Variants in SORL1 observed in about 807,000 individuals in gnomAD.
The protein encoded by SORL1 is sortilin related receptor 1.
A neutral mutation model predicts 273.7 loss-of-function variants in SORL1; 127 were observed. The observed-to-expected ratio is 0.46, with a 90% CI of 0.40 to 0.54. SORL1 has a LOEUF of 0.54. Among genes scored for constraint, SORL1 ranks in the 20% least tolerant of loss-of-function variants. The probability of loss-of-function intolerance (pLI) is 0.00; values close to 1 mark genes in which losing one functional copy is unlikely to be tolerated. For synonymous variants in SORL1, 1,031 were observed against 1,067.4 expected (o/e 0.97, Z 0.66); for missense variants, 2,494 against 2,846.1 (o/e 0.88, Z 2.81).
chr11:121,470,967 G>C (rs1861158753), intron 2 of SORL1, among the ~76,000 whole-genome samples: 1 of 152,168 alleles, frequency 6.6e-6, no homozygotes. Context: ...GAGACTACAG[G>C]CTTGAGCCAC....
chr11:121,561,062 A>G (rs1565336899), intron 21 of SORL1, among the ~76,000 whole-genome samples: 1 of 152,202 alleles, frequency 6.6e-6, no homozygotes, highest in Non-Finnish European at 1.5e-5. Context: ...TACTGATCTG[A>G]CTTGCTAGCT....
rs964595131 is a variant in SORL1 at position 121,633,122 on chromosome 11, C to A, written c.*3559C>A. 1 of 152,066 alleles carries A rather than the reference C, an allele frequency of 6.6e-6. No homozygotes were observed. The highest frequency in any genetic ancestry group is 1.5e-5 in the Non-Finnish European group (1 of 68,032). The allele number at this position is 152,066 out of a possible 1,614,324, so 9.4% of individuals were successfully genotyped here. On this transcript the variant is annotated 3_prime_UTR_variant, in exon 48 of 48. Coordinates refer to ENST00000260197, the MANE Select transcript of SORL1 (RefSeq NM_003105.6). Reference sequence around the variant, plus strand: ...TATATAGACTACTTTCTATGCAAGACTGAGATATGGAATAGATAGGAAGAG... The same window carrying A: ...TATATAGACTACTTTCTATGCAAGAATGAGATATGGAATAGATAGGAAGAG...
At chr11:121,564,728 C>A (rs1314637918) in intron 21 of SORL1, among the ~76,000 whole-genome samples, 1 of 151,412 alleles carries the variant, frequency 6.6e-6, no homozygotes, top group Non-Finnish European at 1.5e-5. Context: ...AGATGTGTAC[C>A]CGGCTAATTT....
intron 12 of SORL1, among the ~76,000 whole-genome samples, chr11:121,541,210 T>TTG (rs138394520): frequency 0.27 from 41,051 of 151,366 alleles, 6,884 homozygotes; most frequent in Middle Eastern, 0.4. Context: ...TATCTTTTTT[T>TTG]TTTTTTTTTA....
Position 121,567,074 on chromosome 11 carries a change from C to T in SORL1, c.3184C>T (p.Gln1062Ter). ...AGGGGACCTGATGTGTGACTGCCCT[C>T]AGGGCTATCAGCTCAAGAACAATAC... The part of the protein sequence containing the change: ...PSGDLMCDCP[Q>*]GYQLKNNTCV... Residue 1062 changes from glutamine (Q) to a stop codon, truncating the protein, a stop_gained, in exon 22 of 48, where the codon CAG becomes TAG. Coordinates refer to ENST00000260197, the MANE Select transcript of SORL1 (RefSeq NM_003105.6). LOFTEE classifies it high-confidence loss of function. 6.2e-7 allele frequency: 1 copy of T among 1,614,100 alleles called. No individual in the cohort carries two copies. The highest frequency in any genetic ancestry group is 8.5e-7 in the Non-Finnish European group (1 of 1,179,954).
At position 121,605,618 on chromosome 11, in the gene SORL1, G is replaced by A. The variant is rs187842121; in HGVS notation, c.4948+47G>A. On this transcript the variant is annotated intron_variant, in intron 35 of 47. Coordinates refer to ENST00000260197, the MANE Select transcript of SORL1 (RefSeq NM_003105.6). ...TATGGCATGGGTAAGACCTCAGGTC[G>A]GGGTTTGTGAGGGTCTTTCTGAGTA... is the stretch of plus-strand genomic sequence containing the variant. 2.7e-5 allele frequency: 42 copies of A among 1,536,622 alleles called. No individual in the cohort carries two copies. In the African/African-American group the frequency reaches 2.9e-4, roughly 10 times the overall value.
At chr11:121,607,548 G>A (rs888915619) in intron 37 of SORL1, among the ~76,000 whole-genome samples, 4 of 152,132 alleles carry the variant, frequency 2.6e-5, no homozygotes, top group South Asian at 2.1e-4. Flanking sequence ...TTTTAACTCC[G>A]GTATTCTGCT....
chr11:121,465,210 C>T (rs1025542792), intron 1 of SORL1, among the ~76,000 whole-genome samples: 20 of 152,202 alleles, frequency 1.3e-4, no homozygotes, highest in African/African-American at 4.8e-4. Context: ...TCAGCTTTCT[C>T]TCCCTATGGA....
chr11:121,546,776 A>G (rs1325639027), intron 14 of SORL1: 1 of 152,180 alleles, frequency 6.6e-6, no homozygotes, highest in Non-Finnish European at 1.5e-5. Flanking sequence ...GTAAATCTCT[A>G]TTTACAAAAA....
intron 11 of SORL1, among the ~76,000 whole-genome samples, chr11:121,523,347 G>C (rs189793614): frequency 1.3e-5 from 2 of 152,208 alleles, no homozygotes; most frequent in East Asian, 1.9e-4. Context: ...AAATTATAGC[G>C]TAGTGGTATT....
rs34608652 is a variant in SORL1, at chr11:121,540,522, C to CAAAAAAAA, written c.1686-3019_1686-3012dup. ...TGAAATCCTATCTCTACTAAAAATA[C>CAAAAAAAA]AAAAAAAAAAAAAAGAATGCAAAGA... On this transcript the variant is annotated intron_variant, in intron 12 of 47. Coordinates refer to ENST00000260197, the MANE Select transcript of SORL1 (RefSeq NM_003105.6). Among the ~76,000 whole-genome samples the CAAAAAAAA allele has an allele frequency of 2.0e-4, 21 of 103,894 alleles. 1 individual carries two copies. The highest frequency in any genetic ancestry group is 2.7e-4 in the Non-Finnish European group (14 of 51,858). 68.2% of individuals were successfully genotyped at this position (103,894 alleles called of 152,430 possible).
At chr11:121,614,780 T>C (rs1055870080) in intron 40 of SORL1, 91 bp from the exon 41 acceptor site, 3 of 988,196 alleles carry the variant, frequency 3.0e-6, no homozygotes, top group South Asian at 2.7e-5. Flanking sequence ...AAGAGATTAC[T>C]ATTTTTTTTT....
At chr11:121,566,853 G>A in intron 21 of SORL1, 87 bp from the exon 22 acceptor site, 1 of 1,257,190 alleles carries the variant, frequency 8.0e-7, no homozygotes, top group Non-Finnish European at 1.1e-6. Flanking sequence ...CGTAAGACGA[G>A]GAGGTTGCAG....
At chr11:121,488,269 T>C in intron 4 of SORL1, 76 bp downstream of exon 4, 1 of 1,450,110 alleles carries the variant, frequency 6.9e-7, no homozygotes. Context: ...TGTGTGTCCT[T>C]TGAGTGACCT....
At chr11:121,573,999 C>T (rs566912349) in intron 23 of SORL1, among the ~76,000 whole-genome samples, 7 of 152,336 alleles carry the variant, frequency 4.6e-5, no homozygotes, top group Admixed American at 3.3e-4. Flanking sequence ...GACAGTTTCT[C>T]ACTTTTCCCC....
At chr11:121,512,878 TCA>T in intron 6 of SORL1, 123 bp from the exon 7 acceptor site, 1 of 681,824 alleles carries the variant, frequency 1.5e-6, no homozygotes, top group Non-Finnish European at 2.5e-6. Context: ...GAATTTGCAA[TCA>T]CAGTCTCTAT....
At chr11:121,579,559 G>A (rs1051227263) in intron 25 of SORL1, among the ~76,000 whole-genome samples, 6 of 151,876 alleles carry the variant, frequency 4.0e-5, no homozygotes, top group African/African-American at 1.5e-4. Context: ...GTTTTTTTAG[G>A]ACAATTACCT....
At chr11:121,560,903 T>G (rs574145721) in intron 21 of SORL1, among the ~76,000 whole-genome samples, 13 of 152,188 alleles carry the variant, frequency 8.5e-5, no homozygotes, top group Non-Finnish European at 1.8e-4. Flanking sequence ...GGGCTGGCCT[T>G]TTGTTGCAAT....
chr11:121,619,008 C>A (rs78522884), intron 42 of SORL1, 115 bp downstream of exon 42: 3 of 1,042,302 alleles, frequency 2.9e-6, no homozygotes, highest in Non-Finnish European at 4.3e-6. Context: ...ATGTGTGTGA[C>A]GAGAGGCAAC....
Sources: allele counts gnomAD v4.1 joint callset (sites outside exome capture counted in the v4.1 genomes callset), GRCh38; gene constraint gnomAD v4.1.1; transcripts MANE v1.5; gene names NCBI Gene and HGNC (gene_info 2026-07-23, HGNC 2026-07-21).